The following TMEM120B variants were observed in gnomAD, a reference collection of about 807,000 sequenced individuals.
The protein encoded by TMEM120B is transmembrane protein 120B.
In TMEM120B, 31 loss-of-function variants were observed where a neutral mutation model predicts 55.5. The ratio of observed to expected loss-of-function variants is 0.56; its 90% CI spans 0.42 to 0.75. TMEM120B has a LOEUF of 0.75. TMEM120B is among the 30% of genes least tolerant of loss of function. The pLI is 0.00. For synonymous variants in TMEM120B, 203 were observed against 176.3 expected (o/e 1.15, Z -1.20); for missense variants, 399 against 425.5 (o/e 0.94, Z 0.55).
intron 1 of TMEM120B, among the ~76,000 whole-genome samples, chr12:121,738,908 C>G (rs913203669): frequency 6.6e-6 from 1 of 152,088 alleles, no homozygotes; most frequent in Admixed American, 6.6e-5. Flanking sequence ...TAAGTTCGGC[C>G]GGGCATGGTG....
chr12:121,769,850 G>C (rs1873977919), intron 6 of TMEM120B, among the ~76,000 whole-genome samples: 1 of 152,128 alleles, frequency 6.6e-6, no homozygotes, highest in South Asian at 2.1e-4. Context: ...GTGACATAGG[G>C]GTGGGAGAGG....
intron 1 of TMEM120B, among the ~76,000 whole-genome samples, chr12:121,734,665 G>T (rs1323388683): frequency 6.6e-6 from 1 of 152,064 alleles, no homozygotes; most frequent in Non-Finnish European, 1.5e-5. Flanking sequence ...TGTAATCCCA[G>T]CACTTTGCGA....
intron 2 of TMEM120B, among the ~76,000 whole-genome samples, chr12:121,746,429 G>A (rs530489561): frequency 1.3e-5 from 2 of 151,852 alleles, no homozygotes; most frequent in South Asian, 2.1e-4. Context: ...TCAGGTGATC[G>A]GCCCACCTCA....
intron 6 of TMEM120B, among the ~76,000 whole-genome samples, chr12:121,765,608 G>A (rs1477489136): frequency 6.6e-6 from 1 of 152,182 alleles, no homozygotes; most frequent in Non-Finnish European, 1.5e-5. Context: ...CTTCTATTTA[G>A]GTTAGTCTAA....
intron 3 of TMEM120B, 146 bp from the exon 4 acceptor site, chr12:121,750,234 T>TG (rs1392780953): frequency 5.4e-6 from 4 of 737,584 alleles, no homozygotes; most frequent in Non-Finnish European, 9.8e-6. Flanking sequence ...TCACTCGATG[T>TG]GGGGGCCCAT....
rs555564394 is a variant in TMEM120B at position 121,757,308 on chromosome 12, C to T, written c.462-4341C>T. 6.6e-5 allele frequency among the ~76,000 whole-genome samples: 10 copies of T among 151,878 alleles called. 1 individual carries two copies. The South Asian group carries it at 1.7e-3, about 25-fold the overall frequency. ...TCCCGAGTAGCTGAGATCACAGGAG[C>T]GCACCACCACACCCGGATAATTTTT... On this transcript the variant is annotated intron_variant, in intron 5 of 11. Transcript: ENST00000449592.
chr12:121,779,334 A>C lies in TMEM120B; in HGVS notation c.*3612A>C. 1.3e-6 allele frequency: 1 copy of C among 746,486 alleles called. No individual in the cohort carries two copies. The highest frequency in any genetic ancestry group is 2.1e-6 in the Non-Finnish European group (1 of 470,982). The allele number at this position is 746,486 out of a possible 1,614,324, so 46.2% of individuals were successfully genotyped here. The stretch of plus-strand genomic sequence containing the variant: ...AGCCTGGAGGGGAGTTTGTGGTCAG[A>C]GCCCCAGCCAGGAAAGGAGAGAGTT... On this transcript the variant is annotated 3_prime_UTR_variant, in exon 12 of 12. Coordinates refer to ENST00000449592, the MANE Select transcript of TMEM120B (RefSeq NM_001080825.2).
intron 1 of TMEM120B, among the ~76,000 whole-genome samples, chr12:121,726,142 G>A (rs1267287268): frequency 6.6e-6 from 1 of 151,982 alleles, no homozygotes; most frequent in African/African-American, 2.4e-5. Flanking sequence ...AGAGACACCG[G>A]GGATCTTATT....
At chr12:121,713,399 C>T (rs954279181) in intron 1 of TMEM120B, among the ~76,000 whole-genome samples, 1 of 152,204 alleles carries the variant, frequency 6.6e-6, no homozygotes, top group African/African-American at 2.4e-5. Flanking sequence ...CGGGGCAGCA[C>T]TATCCTGCAG....
At chr12:121,748,235 G>T (rs1873160512) in intron 2 of TMEM120B, 91 bp from the exon 3 acceptor site, 2 of 844,418 alleles carry the variant, frequency 2.4e-6, no homozygotes, top group Non-Finnish European at 3.9e-6. Context: ...AGGCACTGGG[G>T]TAGAAGGTGG....
Position 121,780,747 on chromosome 12 carries a change from T to C in TMEM120B, c.*5025T>C. 1 of 1,133,594 alleles carries C rather than the reference T, an allele frequency of 8.8e-7. No individual in the cohort carries two copies. Among genetic ancestry groups the C allele is most frequent in the South Asian group, 1.6e-5 (1 of 63,074 alleles). 70.2% of individuals were successfully genotyped at this position (1,133,594 alleles called of 1,614,324 possible). A position where few individuals can be genotyped will look rare whatever the true frequency, so the allele number is the denominator to read the frequency against. On this transcript the variant is annotated 3_prime_UTR_variant, in exon 12 of 12. Transcript: ENST00000449592. ...GGCCATCAATACTAATAGTTAAAAA[T>C]TATTCTTAGAATCTTGCTTCCCTCA...
chr12:121,735,506 C>A (rs1419071420), intron 1 of TMEM120B, among the ~76,000 whole-genome samples: 1 of 150,940 alleles, frequency 6.6e-6, no homozygotes, highest in East Asian at 2.0e-4. Flanking sequence ...TCAAGTAATT[C>A]TCCTGCCTCA....
chr12:121,729,272 G>A (rs528103104), intron 1 of TMEM120B, among the ~76,000 whole-genome samples: 6 of 152,302 alleles, frequency 3.9e-5, no homozygotes, highest in South Asian at 2.1e-4. Context: ...CTCTGCTCCC[G>A]GAAAAAGCAT....
At chr12:121,725,731 T>C (rs941483379) in intron 1 of TMEM120B, among the ~76,000 whole-genome samples, 1 of 152,072 alleles carries the variant, frequency 6.6e-6, no homozygotes, top group African/African-American at 2.4e-5. Flanking sequence ...ATATGAAATA[T>C]GCAGAAAAGA....
chr12:121,733,124 G>C (rs1895035719), intron 1 of TMEM120B, among the ~76,000 whole-genome samples: 1 of 152,108 alleles, frequency 6.6e-6, no homozygotes, highest in Non-Finnish European at 1.5e-5. Context: ...TTGCATTGTT[G>C]GTTATAGTCA....
At chr12:121,738,868 C>A (rs1369156300) in intron 1 of TMEM120B, among the ~76,000 whole-genome samples, 1 of 152,158 alleles carries the variant, frequency 6.6e-6, no homozygotes, top group Admixed American at 6.6e-5. Context: ...GACATTCTTC[C>A]AGACAACTGG....
chr12:121,775,164 C>T lies in TMEM120B; in HGVS notation c.906+34C>T. 1 of 1,480,384 alleles carries T rather than the reference C, an allele frequency of 6.8e-7. No homozygotes were observed. Among genetic ancestry groups the T allele is most frequent in the South Asian group, 1.1e-5 (1 of 87,158 alleles). 91.7% of individuals were successfully genotyped at this position (1,480,384 alleles called of 1,614,324 possible). ...GGTGGGGGCATGCTCGGGGGAGGTT[C>T]CCGGGAGGGCTGGGGTGGCAGGGAT... On this transcript the variant is annotated intron_variant, in intron 11 of 11. Coordinates refer to ENST00000449592, the MANE Select transcript of TMEM120B (RefSeq NM_001080825.2). This position sits in a 1 kb window ranked among gnomAD's most constrained non-coding sequence, Gnocchi z 4.3.
intron 1 of TMEM120B, among the ~76,000 whole-genome samples, chr12:121,727,254 A>G (rs941808814): frequency 4.7e-5 from 7 of 149,840 alleles, no homozygotes; most frequent in Middle Eastern, 3.3e-3. Context: ...TTAGGATGAC[A>G]TCCAGGGGCC....
At chr12:121,736,542 C>T (rs1214080323) in intron 1 of TMEM120B, among the ~76,000 whole-genome samples, 1 of 151,126 alleles carries the variant, frequency 6.6e-6, no homozygotes, top group Admixed American at 6.6e-5. Context: ...GTGTGAGCCA[C>T]CATGCCCGGC....
Sources: allele counts gnomAD v4.1 joint callset (sites outside exome capture counted in the v4.1 genomes callset), GRCh38; gene constraint gnomAD v4.1.1; non-coding constraint Gnocchi (gnomAD v3.1); transcripts MANE v1.5; gene names NCBI Gene and HGNC (gene_info 2026-07-23, HGNC 2026-07-21).